Variants in ANKRD55 observed in about 807,000 individuals in gnomAD.
The protein encoded by ANKRD55 is ankyrin repeat domain 55, also known as ankyrin repeat domain-containing protein 55.
Under a neutral mutation model 60.6 loss-of-function variants are expected in ANKRD55, and 41 were observed. The ratio of observed to expected loss-of-function variants is 0.68; its 90% CI spans 0.53 to 0.88. ANKRD55 has a LOEUF of 0.88. Ranked by LOEUF, ANKRD55 falls within the 40% of genes least tolerant of loss-of-function variation. The pLI, the probability that ANKRD55 is intolerant of heterozygous loss-of-function variation, is 0.00. For synonymous variants in ANKRD55, 264 were observed against 290.3 expected, an observed-to-expected ratio of 0.91 and a Z score of 0.92; for missense variants, 732 against 767.6, an observed-to-expected ratio of 0.95 and a Z score of 0.55.
intron 9 of ANKRD55, among the ~76,000 whole-genome samples, chr5:56,115,034 C>A (rs1215218337): frequency 6.6e-6 from 1 of 151,326 alleles, no homozygotes; most frequent in African/African-American, 2.4e-5. Context: ...AAATAAAAAA[C>A]CAAAAAACAA....
chr5:56,227,344 A>G (rs159999), intron 2 of ANKRD55, among the ~76,000 whole-genome samples: 47,961 of 112,902 alleles, frequency 0.42, 9,732 homozygotes, highest in East Asian at 0.83. Flanking sequence ...GTTGTGGGGT[A>G]GGGGGAGGGG....
At chr5:56,178,682 A>G (rs978524996) in intron 3 of ANKRD55, among the ~76,000 whole-genome samples, 9 of 152,172 alleles carry the variant, frequency 5.9e-5, no homozygotes, top group African/African-American at 2.2e-4. Context: ...TTATGTGGAT[A>G]AGAAGTATAA....
Position 56,232,926 on chromosome 5 carries a change from T to G in ANKRD55, c.-13A>C. On this transcript the variant is annotated 5_prime_UTR_variant, in exon 2 of 12. Coordinates refer to ENST00000341048, the MANE Select transcript of ANKRD55 (RefSeq NM_024669.3). ...CCTGTCTCATCATTTACCATCAGAATGGCAAAAAGCATCCAGGTCTCTAGA... is the reference window on the plus strand; with the variant it reads ...CCTGTCTCATCATTTACCATCAGAAGGGCAAAAAGCATCCAGGTCTCTAGA... The G allele has an allele frequency of 6.2e-7, 1 of 1,613,886 alleles. No individual in the cohort carries two copies. The highest frequency in any genetic ancestry group is 8.5e-7 in the Non-Finnish European group (1 of 1,179,818).
Position 56,110,984 on chromosome 5 carries a change from A to G in ANKRD55, c.1630+134T>C, listed in dbSNP as rs140090688. 103 of 1,014,914 alleles carry G rather than the reference A, an allele frequency of 1.0e-4. 2 individuals are homozygous for G. In the African/African-American group the frequency reaches 1.4e-3, roughly 14 times the overall value. The allele number at this position is 1,014,914 out of a possible 1,614,324, so 62.9% of individuals were successfully genotyped here. A position where few individuals can be genotyped will look rare whatever the true frequency, so the allele number is the denominator to read the frequency against. Reference sequence around the variant, plus strand: ...CAAATCCAGTGCACTTTGGGAGAAAAGGTGGCTCTAATCACTCATTTTATT... The same window carrying G: ...CAAATCCAGTGCACTTTGGGAGAAAGGGTGGCTCTAATCACTCATTTTATT... On this transcript the variant is annotated intron_variant, in intron 10 of 11. Coordinates refer to ENST00000341048, the MANE Select transcript of ANKRD55 (RefSeq NM_024669.3).
In ANKRD55 at chr5:56,154,749, C is replaced by T. The variant is rs543861587; in HGVS notation, c.483+5084G>A. On this transcript the variant is annotated intron_variant, in intron 6 of 11. Transcript: ENST00000341048. ...GGCTACAGGCATGAGCCACTACAGC[C>T]GGCTAATTTTCATATTTTTAGTAGA... Among the ~76,000 whole-genome samples the T allele has an allele frequency of 2.6e-3, 399 of 152,096 alleles. 1 individual carries two copies. Among genetic ancestry groups the T allele is most frequent in the African/African-American group, 9.3e-3 (385 of 41,510 alleles).
At position 56,195,016 on chromosome 5, in the gene ANKRD55, G is replaced by A. The variant is rs559910357; in HGVS notation, c.59-11382C>T. On this transcript the variant is annotated intron_variant, in intron 2 of 11. Coordinates refer to ENST00000341048, the MANE Select transcript of ANKRD55 (RefSeq NM_024669.3). Reference sequence around the variant, plus strand: ...TTAGTTACACTGGCAAGATTATTTTGAATGCAAGATTTTGACAAGAATTAA... The same window carrying A: ...TTAGTTACACTGGCAAGATTATTTTAAATGCAAGATTTTGACAAGAATTAA... 5.5e-4 allele frequency among the ~76,000 whole-genome samples: 84 copies of A among 152,260 alleles called. 1 individual carries two copies. The South Asian group carries it at 0.017, about 31-fold the overall frequency.
Position 56,183,557 on chromosome 5 carries a change from C to CT in ANKRD55, c.135dup (p.Val46SerfsTer13), listed in dbSNP as rs772163499. 4.3e-6 allele frequency: 7 copies of CT among 1,614,102 alleles called. No individual in the cohort carries two copies. The African/African-American group carries it at 9.3e-5, about 22-fold the overall frequency. On this transcript the variant is annotated frameshift_variant, in exon 3 of 12. Transcript: ENST00000341048. LOFTEE classifies it high-confidence loss of function. Reference sequence around the variant, plus strand: ...AGGATAGAAGGGTCTTCCCGAATCACTGCAGTCAGAGCATTGACATCTCCA... The same window carrying CT: ...AGGATAGAAGGGTCTTCCCGAATCACTTGCAGTCAGAGCATTGACATCTCCA...
At chr5:56,121,208 G>A (rs1041603726) in intron 8 of ANKRD55, among the ~76,000 whole-genome samples, 1 of 152,040 alleles carries the variant, frequency 6.6e-6, no homozygotes, top group Non-Finnish European at 1.5e-5. Flanking sequence ...ACACAATAAG[G>A]CAAGTGGGGT....
rs140610323 is a variant in ANKRD55 at position 56,140,420 on chromosome 5, T to C, written c.612+3381A>G. Among the ~76,000 whole-genome samples the C allele has an allele frequency of 8.2e-3, 1,250 of 152,304 alleles. 19 individuals carry two copies. Among genetic ancestry groups the C allele is most frequent in the African/African-American group, 0.027 (1,141 of 41,560 alleles). ...TTTTGTGGGTAGTCACTGTTCCTCATTGAGGAGGTCAAGAAAGTTGTGGAC... is the reference window on the plus strand; with the variant it reads ...TTTTGTGGGTAGTCACTGTTCCTCACTGAGGAGGTCAAGAAAGTTGTGGAC... On this transcript the variant is annotated intron_variant, in intron 7 of 11. Transcript: ENST00000341048.
chr5:56,218,438 G>T (rs1759875969), intron 2 of ANKRD55, among the ~76,000 whole-genome samples: 2 of 152,166 alleles, frequency 1.3e-5, no homozygotes, highest in South Asian at 4.1e-4. Flanking sequence ...CCACCACCCA[G>T]ATCAGTCGGC....
chr5:56,194,137 G>GA (rs1425836504), intron 2 of ANKRD55, among the ~76,000 whole-genome samples: 5 of 152,020 alleles, frequency 3.3e-5, no homozygotes, highest in Non-Finnish European at 7.4e-5. Context: ...CCAACATGGT[G>GA]AAACCTCATC....
chr5:56,125,029 C>T (rs1757199273), intron 8 of ANKRD55, among the ~76,000 whole-genome samples: 1 of 152,204 alleles, frequency 6.6e-6, no homozygotes, highest in South Asian at 2.1e-4. Flanking sequence ...TTACTTTCCA[C>T]CATGAGGCCT....
intron 7 of ANKRD55, among the ~76,000 whole-genome samples, chr5:56,142,220 C>A (rs1226042466): frequency 6.6e-6 from 1 of 152,026 alleles, no homozygotes; most frequent in Non-Finnish European, 1.5e-5. Flanking sequence ...CCCAGCTACT[C>A]GGGAGGCTGA....
chr5:56,160,108 C>T (rs1008245102), intron 5 of ANKRD55, among the ~76,000 whole-genome samples: 1 of 152,174 alleles, frequency 6.6e-6, no homozygotes, highest in Non-Finnish European at 1.5e-5. Flanking sequence ...CTGTCTGCCT[C>T]TCCCACCCTC....
In ANKRD55 at chr5:56,192,874, T is replaced by C. The variant is rs976357500; in HGVS notation, c.59-9240A>G. 13 of 654,920 alleles carry C rather than the reference T, an allele frequency of 2.0e-5. No individual in the cohort carries two copies. In the African/African-American group the frequency reaches 2.2e-4, roughly 11 times the overall value. 40.6% of individuals were successfully genotyped at this position (654,920 alleles called of 1,614,324 possible). A position where few individuals can be genotyped will look rare whatever the true frequency, so the allele number is the denominator to read the frequency against. ...AGAAAAAGGCCAAACATGTCAAAGC[T>C]ACATGGGCCCAGCGTTGTCTAAAAG... On this transcript the variant is annotated intron_variant, in intron 2 of 11. Transcript: ENST00000341048.
chr5:56,125,807 G>C (rs1757230747), intron 8 of ANKRD55: 1 of 152,112 alleles, frequency 6.6e-6, no homozygotes, highest in Admixed American at 6.6e-5. Context: ...CAGGTATCTG[G>C]GAGTAGGAGG....
At chr5:56,115,263 A>G (rs1282467224) in intron 9 of ANKRD55, among the ~76,000 whole-genome samples, 1 of 151,768 alleles carries the variant, frequency 6.6e-6, no homozygotes, top group Non-Finnish European at 1.5e-5. Flanking sequence ...CCAAAAAACA[A>G]AACACATTAC....
chr5:56,218,389 AT>A (rs1198092756), intron 2 of ANKRD55, among the ~76,000 whole-genome samples: 1 of 152,186 alleles, frequency 6.6e-6, no homozygotes, highest in Admixed American at 6.5e-5. Flanking sequence ...TTTTTGTCTT[AT>A]TTTAAGAACT....
chr5:56,159,885 G>C lies in ANKRD55; in HGVS notation c.431C>G (p.Thr144Arg). 6.2e-7 allele frequency: 1 copy of C among 1,613,462 alleles called. No individual in the cohort carries two copies. The highest frequency in any genetic ancestry group is 8.5e-7 in the Non-Finnish European group (1 of 1,179,520). ...ATAEPDMRLL[T>R]VLLQQSNISE... Reference sequence around the variant, plus strand: ...GATGTTCGACTGTTGCAACAGGACCGTGAGGAGCCTGTAAGGAAAAAATAG... The same window carrying C: ...GATGTTCGACTGTTGCAACAGGACCCTGAGGAGCCTGTAAGGAAAAAATAG... The change falls in exon 6 of 12, where the codon ACG becomes AGG. Residue 144 changes from threonine to arginine, a missense_variant. Coordinates refer to ENST00000341048, the MANE Select transcript of ANKRD55 (RefSeq NM_024669.3).
Sources: gnomAD v4.1 joint callset for allele counts (sites outside exome capture counted in the v4.1 genomes callset) on GRCh38, gnomAD v4.1.1 for gene constraint, MANE v1.5 for transcripts, NCBI Gene and HGNC (gene_info 2026-07-23, HGNC 2026-07-21) for gene names.